The following USP10 variants were observed in gnomAD, a reference collection of about 807,000 sequenced individuals.
USP10 encodes the protein ubiquitin specific peptidase 10, also known as ubiquitin carboxyl-terminal hydrolase 10.
Under a neutral mutation model 84.5 loss-of-function variants are expected in USP10, and 22 were observed. That is an observed-to-expected ratio of 0.26 (90% CI 0.19 to 0.37). The LOEUF (loss-of-function observed/expected upper bound fraction) is 0.37, where lower values mean the gene tolerates loss of function less well. Ranked by LOEUF, USP10 falls within the 10% of genes least tolerant of loss-of-function variation. USP10 has a pLI of 1.00. For missense variants in USP10, 1,019 were observed against 998.9 expected, an observed-to-expected ratio of 1.02 and a Z score of -0.27; for synonymous variants, 454 against 387.6, an observed-to-expected ratio of 1.17 and a Z score of -2.01.
chr16:84,752,244 G>T (rs1912017284), intron 4 of USP10, among the ~76,000 whole-genome samples: 1 of 152,170 alleles, frequency 6.6e-6, no homozygotes, highest in African/African-American at 2.4e-5. Context: ...GATGGACTGG[G>T]GGAGGCCATC....
In USP10 at chr16:84,723,474, G is replaced by T. The variant is rs78417536; in HGVS notation, c.22-9961G>T. On this transcript the variant is annotated intron_variant, in intron 1 of 13. Transcript: ENST00000219473. ...AAAACATGAGAATAAAAACCATTCA[G>T]AGTGATCAAGTTAAGACTGTCAGCC... Among the ~76,000 whole-genome samples, 1,477 of 152,316 alleles carry T rather than the reference G, an allele frequency of 9.7e-3. 17 individuals carry two copies. Among genetic ancestry groups the T allele is most frequent in the African/African-American group, 0.03 (1,229 of 41,576 alleles).
In USP10 at chr16:84,745,232, G is replaced by C. The variant is rs202165217; in HGVS notation, c.751G>C (p.Gly251Arg). 7 of 1,613,302 alleles carry C rather than the reference G, an allele frequency of 4.3e-6. No homozygotes were observed. Among genetic ancestry groups the C allele is most frequent in the South Asian group, 2.2e-5 (2 of 91,026 alleles). ...QPEGGPGADF[G>R]QSCFPAEAGR... The stretch of plus-strand genomic sequence containing the variant: ...AGAGGGGGGCCCCGGGGCTGATTTT[G>C]GTCAGTCCTGCTTCCCTGCAGAGGC... The change falls in exon 4 of 14, where the codon GGT (glycine) becomes CGT (arginine). Residue 251 changes from glycine (G) to arginine (R), a missense_variant. Transcript: ENST00000219473.
intron 1 of USP10, among the ~76,000 whole-genome samples, chr16:84,726,012 TAG>T (rs924210022): frequency 6.6e-6 from 1 of 152,178 alleles, no homozygotes; most frequent in Non-Finnish European, 1.5e-5. Flanking sequence ...AGATTGTTCT[TAG>T]AGATTGGTCA....
At chr16:84,735,748 C>G (rs1039222720) in intron 2 of USP10, among the ~76,000 whole-genome samples, 2 of 152,044 alleles carry the variant, frequency 1.3e-5, no homozygotes, top group South Asian at 4.1e-4. Flanking sequence ...TGTGTGTGGG[C>G]TTATTTGGGC....
At chr16:84,725,773 G>T (rs775681132) in intron 1 of USP10, among the ~76,000 whole-genome samples, 2 of 152,202 alleles carry the variant, frequency 1.3e-5, no homozygotes, top group Non-Finnish European at 2.9e-5. Context: ...TTGGAGATGG[G>T]AAGAATTTTA....
intron 1 of USP10, among the ~76,000 whole-genome samples, chr16:84,722,756 C>G (rs148368570): frequency 6.6e-6 from 1 of 152,110 alleles, no homozygotes; most frequent in Non-Finnish European, 1.5e-5. Flanking sequence ...GATGGAGTTT[C>G]ACCATGTTGG....
chr16:84,766,762 G>T (rs946575512), intron 10 of USP10, among the ~76,000 whole-genome samples: 1 of 152,212 alleles, frequency 6.6e-6, no homozygotes, highest in East Asian at 1.9e-4. Flanking sequence ...GGGTCTCTGT[G>T]TTGAAATTGG....
intron 13 of USP10, 85 bp from the exon 14 acceptor site, chr16:84,778,810 A>T (rs1915282802): frequency 7.4e-7 from 1 of 1,356,414 alleles, no homozygotes. Flanking sequence ...CATAGGATGC[A>T]TCCCTGGAGG....
chr16:84,730,491 A>G (rs1299465484), intron 1 of USP10, among the ~76,000 whole-genome samples: 1 of 152,138 alleles, frequency 6.6e-6, no homozygotes, highest in Non-Finnish European at 1.5e-5. Context: ...AAAAATAATT[A>G]AGTAAAACTA....
At chr16:84,711,193 C>A (rs1270008133) in intron 1 of USP10, among the ~76,000 whole-genome samples, 1 of 152,172 alleles carries the variant, frequency 6.6e-6, no homozygotes, top group Non-Finnish European at 1.5e-5. Context: ...AGCATTTACC[C>A]AGTACTTGCT....
chr16:84,762,676 A>G (rs1397623044), intron 8 of USP10, among the ~76,000 whole-genome samples: 5 of 149,004 alleles, frequency 3.4e-5, no homozygotes, highest in African/African-American at 1.2e-4. Flanking sequence ...GGGTGACGGA[A>G]TGAGACTTTG....
At position 84,749,910 on chromosome 16, in the gene USP10, C is replaced by G. The variant is rs535803214; in HGVS notation, c.1192+4237C>G. ...ACATTTTGTTCCATTGGCTGTTTTT[C>G]AAGTGTGAACTGTTATTTGAAAGGA... On this transcript the variant is annotated intron_variant, in intron 4 of 13. Transcript: ENST00000219473. Among the ~76,000 whole-genome samples, 11 of 152,180 alleles carry G rather than the reference C, an allele frequency of 7.2e-5. 1 individual carries two copies. In the East Asian group the frequency reaches 1.9e-3, roughly 27 times the overall value.
chr16:84,729,231 A>G (rs1908900092), intron 1 of USP10, among the ~76,000 whole-genome samples: 1 of 152,264 alleles, frequency 6.6e-6, no homozygotes, highest in African/African-American at 2.4e-5. Flanking sequence ...TTATTTTATC[A>G]CATCATTCAT....
At chr16:84,700,322 C>T (rs1173823649) in intron 1 of USP10, among the ~76,000 whole-genome samples, 1 of 151,990 alleles carries the variant, frequency 6.6e-6, no homozygotes, top group Non-Finnish European at 1.5e-5. Context: ...CCCCTAGTCC[C>T]GGGGAGGTCG....
intron 1 of USP10, among the ~76,000 whole-genome samples, chr16:84,712,614 G>C (rs111235520): frequency 6.6e-6 from 1 of 152,280 alleles, no homozygotes; most frequent in African/African-American, 2.4e-5. Flanking sequence ...GCAAGACCCC[G>C]AGGGGCAGAT....
intron 1 of USP10, among the ~76,000 whole-genome samples, chr16:84,706,825 C>T (rs1229213323): frequency 6.6e-6 from 1 of 152,050 alleles, no homozygotes; most frequent in East Asian, 1.9e-4. Context: ...CAGGCGTGAG[C>T]CACCGCGCCG....
intron 13 of USP10, among the ~76,000 whole-genome samples, chr16:84,776,941 T>G (rs1915085774): frequency 6.6e-6 from 1 of 152,196 alleles, no homozygotes; most frequent in Non-Finnish European, 1.5e-5. Context: ...GCCCCCCGAG[T>G]AGCTGGGATT....
At chr16:84,761,503 A>G (rs1567640833) in intron 8 of USP10, among the ~76,000 whole-genome samples, 1 of 152,200 alleles carries the variant, frequency 6.6e-6, no homozygotes, top group African/African-American at 2.4e-5. Context: ...GGCAGGGCCT[A>G]AAGGAAACTT....
intron 1 of USP10, among the ~76,000 whole-genome samples, chr16:84,710,539 T>G (rs1410762038): frequency 3.3e-5 from 5 of 152,160 alleles, no homozygotes; most frequent in Non-Finnish European, 7.4e-5. Flanking sequence ...GGGAAGGTCA[T>G]TTAGGGACAT....
Sources: gnomAD v4.1 joint callset for allele counts (sites outside exome capture counted in the v4.1 genomes callset) on GRCh38, gnomAD v4.1.1 for gene constraint, MANE v1.5 for transcripts, NCBI Gene and HGNC (gene_info 2026-07-23, HGNC 2026-07-21) for gene names.